Variants in LTBP1 observed in about 807,000 individuals in gnomAD.
The protein encoded by LTBP1 is latent transforming growth factor beta binding protein 1.
In LTBP1, 129 loss-of-function variants were observed where a neutral mutation model predicts 207.6. That is an observed-to-expected ratio of 0.62 (90% CI 0.54 to 0.72). The LOEUF (loss-of-function observed/expected upper bound fraction) is 0.72, where lower values mean the gene tolerates loss of function less well. LTBP1 is among the 30% of genes least tolerant of loss of function. The probability of loss-of-function intolerance (pLI) is 0.00; values close to 1 mark genes in which losing one functional copy is unlikely to be tolerated. For synonymous variants in LTBP1, 963 were observed against 833.7 expected (o/e 1.16, Z -2.67); for missense variants, 2,281 against 2,217.2 (o/e 1.03, Z -0.58).
intron 5 of LTBP1, among the ~76,000 whole-genome samples, chr2:33,170,702 C>T (rs2085351662): frequency 6.6e-6 from 1 of 152,134 alleles, no homozygotes; most frequent in Admixed American, 6.5e-5. Context: ...GGGCAGACTG[C>T]CTCCTCAAGT....
intron 7 of LTBP1, among the ~76,000 whole-genome samples, chr2:33,213,692 A>G (rs548052322): frequency 7.9e-5 from 12 of 152,330 alleles, no homozygotes; most frequent in Admixed American, 6.5e-4. Flanking sequence ...CTGGCTGCAC[A>G]TCGAAGCCTC....
intron 2 of LTBP1, among the ~76,000 whole-genome samples, chr2:32,989,388 A>G (rs1291568477): frequency 6.6e-6 from 1 of 152,232 alleles, no homozygotes; most frequent in Non-Finnish European, 1.5e-5. Context: ...CATTTGCATA[A>G]TTATCAGTTT....
In LTBP1 at chr2:33,217,734, A is replaced by G. The variant is rs2090819971; in HGVS notation, c.1804+80A>G. 8 of 965,490 alleles carry G rather than the reference A, an allele frequency of 8.3e-6. No homozygotes were observed. The South Asian group carries it at 9.8e-5, about 12-fold the overall frequency. The allele number at this position is 965,490 out of a possible 1,614,324, so 59.8% of individuals were successfully genotyped here. A position where few individuals can be genotyped will look rare whatever the true frequency, so the allele number is the denominator to read the frequency against. ...TGATTACTCCTTTAATGATGAGGCA[A>G]TATTAGACTTTCAAAGAACTCTCCT... is the stretch of plus-strand genomic sequence containing the variant. On this transcript the variant is annotated intron_variant, in intron 8 of 33. Coordinates refer to ENST00000404816, the MANE Select transcript of LTBP1 (RefSeq NM_206943.4).
intron 2 of LTBP1, among the ~76,000 whole-genome samples, chr2:32,990,817 A>T (rs1352792727): frequency 2.0e-5 from 3 of 152,112 alleles, no homozygotes; most frequent in Non-Finnish European, 1.5e-5. Context: ...GGTGGGAGAA[A>T]ATTGACACAT....
At chr2:33,126,040 T>C (rs756242476) in intron 4 of LTBP1, among the ~76,000 whole-genome samples, 3 of 152,100 alleles carry the variant, frequency 2.0e-5, no homozygotes, top group South Asian at 2.1e-4. Flanking sequence ...GGTTCACTCA[T>C]GTGACTGTTG....
At chr2:33,117,644 A>G (rs1369487408) in intron 4 of LTBP1, among the ~76,000 whole-genome samples, 1 of 152,218 alleles carries the variant, frequency 6.6e-6, no homozygotes, top group Non-Finnish European at 1.5e-5. Context: ...GGAGGTGGGC[A>G]AGAACGTTGC....
intron 4 of LTBP1, among the ~76,000 whole-genome samples, chr2:33,120,652 A>C (rs551941504): frequency 1.3e-5 from 2 of 152,298 alleles, no homozygotes; most frequent in Non-Finnish European, 1.5e-5. Context: ...ATGAACATTC[A>C]TTCACGTGCA....
intron 5 of LTBP1, among the ~76,000 whole-genome samples, chr2:33,143,581 A>G (rs558092309): frequency 4.0e-4 from 61 of 152,324 alleles, no homozygotes; most frequent in African/African-American, 1.4e-3. Context: ...GTAGCAATTT[A>G]CATGGAGCTT....
intron 7 of LTBP1, among the ~76,000 whole-genome samples, chr2:33,205,532 A>G (rs1413049459): frequency 6.6e-6 from 1 of 152,182 alleles, no homozygotes; most frequent in Non-Finnish European, 1.5e-5. Flanking sequence ...TATTTCAGGG[A>G]CTTGGGTTGA....
intron 2 of LTBP1, among the ~76,000 whole-genome samples, chr2:33,002,189 G>C (rs1686138138): frequency 2.5e-5 from 2 of 79,376 alleles, no homozygotes; most frequent in African/African-American, 7.5e-5. Flanking sequence ...TTTAACCTCT[G>C]TAATGGTTCA....
intron 2 of LTBP1, among the ~76,000 whole-genome samples, chr2:32,993,797 G>A (rs1684813654): frequency 6.6e-6 from 1 of 152,170 alleles, no homozygotes; most frequent in Admixed American, 6.5e-5. Context: ...GGAAACTGAG[G>A]CCTAGGCCAT....
intron 26 of LTBP1, among the ~76,000 whole-genome samples, chr2:33,348,169 A>G (rs1181440841): frequency 6.6e-6 from 1 of 152,176 alleles, no homozygotes; most frequent in Non-Finnish European, 1.5e-5. Context: ...AAAGGCCCAA[A>G]TGGTCCTTTG....
At chr2:33,387,686 A>C (rs2095278569) in intron 31 of LTBP1, among the ~76,000 whole-genome samples, 1 of 151,616 alleles carries the variant, frequency 6.6e-6, no homozygotes, top group South Asian at 2.1e-4. Flanking sequence ...TCATTTAAGT[A>C]GGAGCTGATA....
At position 33,309,143 on chromosome 2, in the gene LTBP1, C is replaced by G. The variant is rs373644412; in HGVS notation, c.3482-291C>G. 2.1e-3 allele frequency among the ~76,000 whole-genome samples: 317 copies of G among 151,784 alleles called. 1 individual carries two copies. The highest frequency in any genetic ancestry group is 4.2e-3 in the African/African-American group (175 of 41,382). On this transcript the variant is annotated intron_variant, in intron 22 of 33. Coordinates refer to ENST00000404816, the MANE Select transcript of LTBP1 (RefSeq NM_206943.4). Reference sequence around the variant, plus strand: ...ACTAAAAATACAAAAATTAGTTGGGCGTGGTGGTGGGCGCCTATAATCCCA... The same window carrying G: ...ACTAAAAATACAAAAATTAGTTGGGGGTGGTGGTGGGCGCCTATAATCCCA...
intron 5 of LTBP1, among the ~76,000 whole-genome samples, chr2:33,136,306 C>T (rs1268995934): frequency 6.6e-6 from 1 of 152,176 alleles, no homozygotes; most frequent in Non-Finnish European, 1.5e-5. Context: ...GATCAGGAAA[C>T]TGGATTCTGG....
At chr2:33,290,236 C>T (rs1215456795) in intron 19 of LTBP1, among the ~76,000 whole-genome samples, 1 of 152,228 alleles carries the variant, frequency 6.6e-6, no homozygotes, top group African/African-American at 2.4e-5. Context: ...CTAATCACCT[C>T]TTAAAAGCAC....
chr2:32,995,805 C>T (rs1038680245), intron 2 of LTBP1, among the ~76,000 whole-genome samples: 6 of 152,054 alleles, frequency 3.9e-5, no homozygotes, highest in Non-Finnish European at 8.8e-5. Context: ...AACAAACAAA[C>T]AAAAACACCA....
chr2:33,385,243 C>T (rs2095255767), intron 31 of LTBP1, among the ~76,000 whole-genome samples: 1 of 152,206 alleles, frequency 6.6e-6, no homozygotes, highest in Non-Finnish European at 1.5e-5. Flanking sequence ...TTTCCCTCTA[C>T]CTATTTAAAA....
At chr2:33,185,143 A>T (rs1421943466) in intron 5 of LTBP1, among the ~76,000 whole-genome samples, 2 of 152,206 alleles carry the variant, frequency 1.3e-5, no homozygotes, top group African/African-American at 4.8e-5. Flanking sequence ...CACACTGAGG[A>T]ACTGAATTAA....
Sources: allele counts gnomAD v4.1 joint callset (sites outside exome capture counted in the v4.1 genomes callset), GRCh38; gene constraint gnomAD v4.1.1; transcripts MANE v1.5; gene names NCBI Gene and HGNC (gene_info 2026-07-23, HGNC 2026-07-21).